The following TUBE1 variants were observed in gnomAD, a reference collection of about 807,000 sequenced individuals.
TUBE1 encodes the protein tubulin epsilon chain.
A neutral mutation model predicts 53.5 loss-of-function variants in TUBE1; 34 were observed. The ratio of observed to expected loss-of-function variants is 0.64; its 90% CI spans 0.48 to 0.85. TUBE1 has a LOEUF of 0.85. Ranked by LOEUF, TUBE1 falls within the 40% of genes least tolerant of loss-of-function variation. TUBE1 has a pLI of 0.00. For missense variants in TUBE1, 532 were observed against 570.5 expected (o/e 0.93, Z 0.69); for synonymous variants, 177 against 198.4 (o/e 0.89, Z 0.91).
chr6:112,071,358 A>G lies in TUBE1; in HGVS notation c.*54T>C. ...CCAAATTACAAAAATGTTGAAACAG[A>G]AAGGTCAGAAAAAACAATGTGAAAT... is the stretch of plus-strand genomic sequence containing the variant. On this transcript the variant is annotated 3_prime_UTR_variant, in exon 12 of 12. Transcript: ENST00000368662. 1.4e-6 allele frequency: 2 copies of G among 1,407,766 alleles called. No homozygotes were observed. The highest frequency in any genetic ancestry group is 9.4e-7 in the Non-Finnish European group (1 of 1,063,840). 87.2% of individuals were successfully genotyped at this position (1,407,766 alleles called of 1,614,324 possible).
At position 112,082,002 on chromosome 6, in the gene TUBE1, T is replaced by G. The variant is rs587718651; in HGVS notation, c.211-795A>C. 4.1e-4 allele frequency among the ~76,000 whole-genome samples: 63 copies of G among 152,188 alleles called. 1 individual carries two copies. The highest frequency in any genetic ancestry group is 1.5e-3 in the African/African-American group (63 of 41,548). On this transcript the variant is annotated intron_variant, in intron 4 of 11. Transcript: ENST00000368662. ...GCTGAAACAAATTCTTAGGGTACAC[T>G]AAACAATGATTTGTTAACTGTTTGA...
chr6:112,078,580 G>A (rs1204698248), intron 6 of TUBE1: 2 of 151,814 alleles, frequency 1.3e-5, no homozygotes, highest in Non-Finnish European at 2.9e-5. Context: ...CATTAGATGT[G>A]GGGAAAAAAG....
intron 3 of TUBE1, among the ~76,000 whole-genome samples, chr6:112,084,641 CAA>C (rs1777120216): frequency 1.3e-5 from 2 of 152,238 alleles, no homozygotes; most frequent in South Asian, 2.1e-4. Flanking sequence ...AATACAAGTA[CAA>C]AAAGCCAACA....
chr6:112,087,373 G>A (rs1777183129), intron 1 of TUBE1, 37 bp downstream of exon 1: 2 of 1,551,334 alleles, frequency 1.3e-6, no homozygotes, highest in Middle Eastern at 1.7e-4. Context: ...GCTGGATTCC[G>A]CGGCGACCAG....
Position 112,087,287 on chromosome 6 carries a change from C to G in TUBE1, c.45G>C (p.Gln15His). 2 of 1,552,594 alleles carry G rather than the reference C, an allele frequency of 1.3e-6. No homozygotes were observed. Among genetic ancestry groups the G allele is most frequent in the Non-Finnish European group, 1.7e-6 (2 of 1,147,458 alleles). ...VVVQVGQCGNQIGCCFWDLAL... is the reference protein window; with the variant it reads ...VVVQVGQCGNHIGCCFWDLAL... ...CCAGGTCCCAGAAGCAGCAGCCGAT[C>G]TGGTTTCCGCACTGGCCGACTGCGA... The change falls in exon 2 of 12, where the codon CAG becomes CAC. Residue 15 changes from glutamine to histidine, a missense_variant. Transcript: ENST00000368662.
At chr6:112,076,567 G>A in intron 6 of TUBE1, 58 bp from the exon 7 acceptor site, 1 of 1,445,158 alleles carries the variant, frequency 6.9e-7, no homozygotes, top group Non-Finnish European at 9.3e-7. Flanking sequence ...TAATTGTGAA[G>A]AATTTGAAAC....
chr6:112,081,335 A>T (rs1777067754), intron 4 of TUBE1, 128 bp from the exon 5 acceptor site: 3 of 440,740 alleles, frequency 6.8e-6, no homozygotes, highest in Non-Finnish European at 1.2e-5. Flanking sequence ...TAAAATCTTT[A>T]CGTAGAATCT....
chr6:112,080,861 G>A (rs1056802998), intron 5 of TUBE1, among the ~76,000 whole-genome samples: 2 of 152,110 alleles, frequency 1.3e-5, no homozygotes, highest in South Asian at 2.1e-4. Flanking sequence ...TTTATGAAAC[G>A]GAATTTAGCA....
At chr6:112,080,662 A>T (rs1344453555) in intron 5 of TUBE1, among the ~76,000 whole-genome samples, 1 of 152,084 alleles carries the variant, frequency 6.6e-6, no homozygotes, top group African/African-American at 2.4e-5. Flanking sequence ...AAGAGAAGAG[A>T]CCATTATATA....
rs1554316074 is a variant in TUBE1, at chr6:112,076,402, T to C, written c.556A>G (p.Ile186Val). The C allele has an allele frequency of 1.2e-6, 2 of 1,613,520 alleles. No homozygotes were observed. Among genetic ancestry groups the C allele is most frequent in the East Asian group, 2.2e-5 (1 of 44,846 alleles). Residue 186 changes from isoleucine (I) to valine (V), a missense_variant, in exon 7 of 12, where the codon ATA (isoleucine) becomes GTA (valine). Ile to Val is a conservative substitution (Grantham distance 29). Transcript: ENST00000368662. ...SIYPSGEDDV[I>V]TSPYNSILAM... ...AAGATGCTATTATAAGGTGAGGTTA[T>C]GACATCATCCTCACCAGAAGGATAA...
chr6:112,080,054 C>T (rs868909607), intron 5 of TUBE1, among the ~76,000 whole-genome samples: 4 of 151,934 alleles, frequency 2.6e-5, no homozygotes, highest in African/African-American at 7.2e-5. Context: ...ACAATTCCAA[C>T]AAAACAAGAT....
Position 112,079,655 on chromosome 6 carries a change from A to G in TUBE1, c.426T>C (p.Phe142=). The change falls in exon 6 of 12, where the codon TTT becomes TTC. Residue 142 remains phenylalanine, a synonymous_variant. Transcript: ENST00000368662. The part of the protein sequence containing the change: ...AEHCDCLQCF[F]IIHSMGGGTG... ...TACCTCCTCCCATGGAATGTATTAT[A>G]AAGAAACACTGCAAGCAATCACAGT... The G allele has an allele frequency of 6.2e-7, 1 of 1,612,634 alleles. No homozygotes were observed. Among genetic ancestry groups the G allele is most frequent in the South Asian group, 1.1e-5 (1 of 90,890 alleles).
At position 112,071,373 on chromosome 6, in the gene TUBE1, CAA is replaced by C; in HGVS notation, c.*37_*38del. The C allele has an allele frequency of 7.0e-7, 1 of 1,436,936 alleles. No homozygotes were observed. The highest frequency in any genetic ancestry group is 9.3e-7 in the Non-Finnish European group (1 of 1,080,410). 89.0% of individuals were successfully genotyped at this position (1,436,936 alleles called of 1,614,324 possible). On this transcript the variant is annotated 3_prime_UTR_variant, in exon 12 of 12. Transcript: ENST00000368662. ...GTTGAAACAGAAAGGTCAGAAAAAA[CAA>C]TGTGAAATTAAGAAAGTATTTTTGA...
intron 10 of TUBE1, among the ~76,000 whole-genome samples, 195 bp from the exon 11 acceptor site, chr6:112,072,271 T>C (rs1472435736): frequency 1.3e-5 from 2 of 152,142 alleles, no homozygotes; most frequent in East Asian, 1.9e-4. Flanking sequence ...CTAAGAGACA[T>C]TTTGTAGGGG....
chr6:112,074,657 G>GT, intron 9 of TUBE1, 53 bp downstream of exon 9: 1 of 1,340,248 alleles, frequency 7.5e-7, no homozygotes, highest in South Asian at 2.1e-5. Flanking sequence ...TCTTAAAAAT[G>GT]TTTTTTAAAG....
At chr6:112,071,690 G>A (rs1776868721) in intron 11 of TUBE1, 120 bp from the exon 12 acceptor site, 7 of 1,006,050 alleles carry the variant, frequency 7.0e-6, no homozygotes, top group Admixed American at 2.9e-5. Flanking sequence ...ATTTGAAAGA[G>A]AACTTGTGTC....
At chr6:112,073,593 A>G (rs1193002850) in intron 9 of TUBE1, among the ~76,000 whole-genome samples, 1 of 152,172 alleles carries the variant, frequency 6.6e-6, no homozygotes, top group African/African-American at 2.4e-5. Flanking sequence ...TGTTAAGGTC[A>G]TCAGCATCCC....
Position 112,075,995 on chromosome 6 carries a change from T to TA in TUBE1, c.753dup (p.Lys252Ter). On this transcript the variant is annotated frameshift_variant, in exon 8 of 12. Transcript: ENST00000368662. LOFTEE classifies it high-confidence loss of function. ...TTATTCATTGCATCAAAGGGCTTCT[T>TA]ATGCTGCTTTTTTAAAGCCCCAGAA... 2 of 1,613,952 alleles carry TA rather than the reference T, an allele frequency of 1.2e-6. No homozygotes were observed. The highest frequency in any genetic ancestry group is 1.1e-5 in the South Asian group (1 of 91,060).
At chr6:112,073,528 G>T (rs1554315643) in intron 9 of TUBE1, among the ~76,000 whole-genome samples, 1 of 152,132 alleles carries the variant, frequency 6.6e-6, no homozygotes, top group Non-Finnish European at 1.5e-5. Context: ...CTAGGCTGAT[G>T]CCAATGGACA....
Sources: gnomAD v4.1 joint callset for allele counts (sites outside exome capture counted in the v4.1 genomes callset) on GRCh38, gnomAD v4.1.1 for gene constraint, MANE v1.5 for transcripts, NCBI Gene and HGNC (gene_info 2026-07-23, HGNC 2026-07-21) for gene names.